ESRRG: variants seen among roughly 807,000 people sequenced by gnomAD.
The protein encoded by ESRRG is estrogen related receptor gamma, also known as estrogen-related receptor gamma.
Under a neutral mutation model 44.0 loss-of-function variants are expected in ESRRG, and 13 were observed. The observed-to-expected ratio is 0.30, with a 90% CI of 0.19 to 0.47. The LOEUF (loss-of-function observed/expected upper bound fraction) is 0.47, where lower values mean the gene tolerates loss of function less well. Ranked by LOEUF, ESRRG falls within the 20% of genes least tolerant of loss-of-function variation. The pLI, the probability that ESRRG is intolerant of heterozygous loss-of-function variation, is 1.00. For synonymous variants in ESRRG, 215 were observed against 214.6 expected (o/e 1.00, Z -0.02); for missense variants, 395 against 580.6 (o/e 0.68, Z 3.29).
intron 2 of ESRRG, among the ~76,000 whole-genome samples, chr1:216,819,650 G>A (rs1471140090): frequency 6.6e-6 from 1 of 150,900 alleles, no homozygotes; most frequent in Admixed American, 6.6e-5. Flanking sequence ...TTTTGTCATT[G>A]TCATTGAATT....
chr1:217,008,691 T>C (rs912641366), intron 1 of ESRRG, among the ~76,000 whole-genome samples: 3 of 152,188 alleles, frequency 2.0e-5, no homozygotes, highest in African/African-American at 7.2e-5. Context: ...CAAGAAATCT[T>C]AAAGGTTTTA....
intron 2 of ESRRG, among the ~76,000 whole-genome samples, chr1:216,802,940 C>T (rs138140168): frequency 2.0e-4 from 31 of 152,222 alleles, no homozygotes; most frequent in Admixed American, 1.2e-3. Flanking sequence ...TTTCTCATGC[C>T]ATGCTGTTTT....
chr1:216,572,900 T>TTAAGTAGTAGTAATA (rs2061066847), intron 3 of ESRRG, among the ~76,000 whole-genome samples: 2 of 152,134 alleles, frequency 1.3e-5, no homozygotes, highest in Admixed American at 1.3e-4. Flanking sequence ...CTATGATTTC[T>TTAAGTAGTAGTAATA]CATTAGTAGT....
At chr1:216,931,684 G>A (rs1254790021) in intron 2 of ESRRG, among the ~76,000 whole-genome samples, 1 of 152,128 alleles carries the variant, frequency 6.6e-6, no homozygotes, top group South Asian at 2.1e-4. Flanking sequence ...AGAAATCCCT[G>A]TGCTCTGCAG....
At chr1:216,578,383 C>G (rs1466417859) in intron 3 of ESRRG, among the ~76,000 whole-genome samples, 1 of 152,056 alleles carries the variant, frequency 6.6e-6, no homozygotes, top group African/African-American at 2.4e-5. Flanking sequence ...ATTCAAACTT[C>G]AAACCCCATA....
At chr1:216,645,286 G>A (rs970234704) in intron 3 of ESRRG, among the ~76,000 whole-genome samples, 2 of 151,978 alleles carry the variant, frequency 1.3e-5, no homozygotes, top group African/African-American at 4.8e-5. Flanking sequence ...ATTATCCATA[G>A]CTATCAAACC....
At position 216,874,325 on chromosome 1, in the gene ESRRG, A is replaced by G. The variant is rs1443238068; in HGVS notation, c.-14+65257T>C. 1.8e-4 allele frequency among the ~76,000 whole-genome samples: 27 copies of G among 152,190 alleles called. 1 individual carries two copies. Among genetic ancestry groups the G allele is most frequent in the Admixed American group, 1.8e-3 (27 of 15,274 alleles). Reference sequence around the variant, plus strand: ...AAATTCAGTAGGAGACATAGGGTGAATTGTGCTTATTCCATTATATCCAAA... The same window carrying G: ...AAATTCAGTAGGAGACATAGGGTGAGTTGTGCTTATTCCATTATATCCAAA... On this transcript the variant is annotated intron_variant, in intron 2 of 7. Coordinates refer to the ESRRG transcript ENST00000359162.
intron 2 of ESRRG, among the ~76,000 whole-genome samples, chr1:216,853,906 G>A (rs11572554): frequency 3.2e-4 from 48 of 152,148 alleles, no homozygotes; most frequent in Admixed American, 1.2e-3. Context: ...AGGTTTTTAA[G>A]TCTGTTTATA....
intron 2 of ESRRG, among the ~76,000 whole-genome samples, chr1:216,761,224 CTT>C (rs34882909): frequency 0.022 from 3,395 of 151,162 alleles, 58 homozygotes; most frequent in Non-Finnish European, 0.031. Flanking sequence ...TACATACTTC[CTT>C]TTTTTTTATC....
At chr1:216,666,595 T>A (rs2073988399) in intron 2 of ESRRG, among the ~76,000 whole-genome samples, 1 of 152,176 alleles carries the variant, frequency 6.6e-6, no homozygotes, top group Non-Finnish European at 1.5e-5. Flanking sequence ...TGGGAGTTTA[T>A]CTTGTAATCA....
chr1:216,937,104 T>C (rs1160838549), intron 2 of ESRRG, among the ~76,000 whole-genome samples: 6 of 151,474 alleles, frequency 4.0e-5, no homozygotes, highest in Non-Finnish European at 5.9e-5. Flanking sequence ...GTACTCTGTA[T>C]AGTAACAAAA....
At chr1:216,711,663 C>T (rs545462008) in intron 1 of ESRRG, among the ~76,000 whole-genome samples, 2 of 152,194 alleles carry the variant, frequency 1.3e-5, no homozygotes, top group African/African-American at 2.4e-5. Context: ...TAAATGTAAA[C>T]TTTTTCAGTG....
At chr1:216,927,754 C>T (rs547490540) in intron 2 of ESRRG, among the ~76,000 whole-genome samples, 4 of 152,082 alleles carry the variant, frequency 2.6e-5, no homozygotes, top group Non-Finnish European at 5.9e-5. Flanking sequence ...ATGCTGGCAC[C>T]GCGGGACGGG....
chr1:216,975,514 G>A (rs932184212), intron 1 of ESRRG, among the ~76,000 whole-genome samples: 1 of 152,202 alleles, frequency 6.6e-6, no homozygotes, highest in African/African-American at 2.4e-5. Flanking sequence ...GAAAATCTTG[G>A]AGGGCCCTTC....
intron 2 of ESRRG, among the ~76,000 whole-genome samples, chr1:216,931,237 T>C (rs2063300537): frequency 6.6e-6 from 1 of 152,220 alleles, no homozygotes; most frequent in African/African-American, 2.4e-5. Context: ...CTAATCATTT[T>C]GGGGGAAGGT....
chr1:216,598,465 C>T lies in ESRRG; in HGVS notation c.590-30367G>A, dbSNP rs78470375. Among the ~76,000 whole-genome samples the T allele has an allele frequency of 1.1e-3, 162 of 152,166 alleles. 1 individual carries two copies. Among genetic ancestry groups the T allele is most frequent in the Admixed American group, 3.7e-3 (57 of 15,286 alleles). On this transcript the variant is annotated intron_variant, in intron 3 of 6. Coordinates refer to ENST00000408911, the MANE Select transcript of ESRRG (RefSeq NM_001438.4). ...AAAGAAATTGTTCATATGGAACAAC[C>T]CACCTTGTGAGACTGTAAGAAATGA...
At chr1:217,137,161 C>A (rs549012423) in intron 1 of ESRRG, among the ~76,000 whole-genome samples, 5 of 152,300 alleles carry the variant, frequency 3.3e-5, no homozygotes, top group African/African-American at 1.2e-4. Flanking sequence ...AGAGGTCAAA[C>A]GCCTAACCTC....
chr1:216,780,970 C>T (rs901221134), intron 2 of ESRRG, among the ~76,000 whole-genome samples: 9 of 151,916 alleles, frequency 5.9e-5, no homozygotes, highest in East Asian at 1.9e-4. Flanking sequence ...TCTACTTTGG[C>T]GCTAAATTCA....
intron 1 of ESRRG, among the ~76,000 whole-genome samples, chr1:216,995,149 C>T (rs1004087036): frequency 1.3e-5 from 2 of 152,074 alleles, no homozygotes; most frequent in African/African-American, 4.8e-5. Context: ...CATTCTTGAC[C>T]CCTGCCCCTC....
Sources: gnomAD v4.1 joint callset for allele counts (sites outside exome capture counted in the v4.1 genomes callset) on GRCh38, gnomAD v4.1.1 for gene constraint, MANE v1.5 for transcripts, NCBI Gene and HGNC (gene_info 2026-07-23, HGNC 2026-07-21) for gene names.